The following SPAG16 variants were observed in gnomAD, a reference collection of about 807,000 sequenced individuals.
The protein encoded by SPAG16 is sperm-associated antigen 16 protein.
In SPAG16, 86 loss-of-function variants were observed where a neutral mutation model predicts 80.4. The observed-to-expected ratio is 1.07, with a 90% CI of 0.90 to 1.28. The LOEUF is 1.28. Among genes scored for constraint, SPAG16 ranks in the 50% most tolerant of loss-of-function variants. SPAG16 has a pLI of 0.00. For synonymous variants in SPAG16, 294 were observed against 265.9 expected (o/e 1.11, Z -1.03); for missense variants, 870 against 765.3 (o/e 1.14, Z -1.61).
intron 15 of SPAG16, 25 bp from the exon 16 acceptor site, chr2:214,410,115 T>C (rs763982268): frequency 6.2e-7 from 1 of 1,611,980 alleles, no homozygotes; most frequent in Non-Finnish European, 8.5e-7. Flanking sequence ...TCATTCTCTC[T>C]CTCTCTCCTC....
intron 15 of SPAG16, among the ~76,000 whole-genome samples, chr2:214,244,251 C>T (rs1490672592): frequency 6.6e-6 from 1 of 151,660 alleles, no homozygotes; most frequent in Admixed American, 6.6e-5. Flanking sequence ...GAAAACATGA[C>T]CTATTATTTA....
intron 15 of SPAG16, among the ~76,000 whole-genome samples, chr2:214,291,654 G>T (rs1693814879): frequency 1.3e-5 from 2 of 152,162 alleles, no homozygotes; most frequent in African/African-American, 4.8e-5. Flanking sequence ...TTTAAGTGGA[G>T]AATTTAATCC....
intron 13 of SPAG16, among the ~76,000 whole-genome samples, chr2:214,033,931 A>G (rs1376567579): frequency 6.6e-6 from 1 of 152,214 alleles, no homozygotes; most frequent in African/African-American, 2.4e-5. Context: ...ACCTGCCCCA[A>G]TAGTGCCTTT....
intron 10 of SPAG16, among the ~76,000 whole-genome samples, chr2:213,713,552 G>C (rs1012911157): frequency 3.1e-4 from 47 of 152,150 alleles, no homozygotes; most frequent in Admixed American, 2.9e-3. Flanking sequence ...ACAGATTTTG[G>C]ACATCAGCCA....
intron 10 of SPAG16, among the ~76,000 whole-genome samples, chr2:213,856,795 A>G (rs1445494141): frequency 6.6e-6 from 1 of 152,056 alleles, no homozygotes; most frequent in Non-Finnish European, 1.5e-5. Flanking sequence ...GGCTCATGAA[A>G]CCATTTTTTC....
At position 213,675,008 on chromosome 2, in the gene SPAG16, A is replaced by C. The variant is rs1250039159; in HGVS notation, c.1070+184918A>C. On this transcript the variant is annotated intron_variant, in intron 10 of 15. Coordinates refer to ENST00000331683, the MANE Select transcript of SPAG16 (RefSeq NM_024532.5). ...TAGTTTACAGTCCCACCAACAGTGT[A>C]AAAGTGTTCCTATTTCTCCACATCC... Among the ~76,000 whole-genome samples, 112 of 149,646 alleles carry C rather than the reference A, an allele frequency of 7.5e-4. 1 individual carries two copies. The highest frequency in any genetic ancestry group is 3.4e-3 in the Middle Eastern group (1 of 292).
At chr2:213,402,004 TA>T (rs2068334950) in intron 9 of SPAG16, among the ~76,000 whole-genome samples, 1 of 152,108 alleles carries the variant, frequency 6.6e-6, no homozygotes, top group African/African-American at 2.4e-5. Context: ...TCTGGTCATA[TA>T]TTTTTTAATA....
At chr2:213,453,635 C>G (rs1012571294) in intron 9 of SPAG16, among the ~76,000 whole-genome samples, 1 of 152,194 alleles carries the variant, frequency 6.6e-6, no homozygotes, top group African/African-American at 2.4e-5. Flanking sequence ...CCAGTGGGAG[C>G]TGGCTGTGAA....
intron 13 of SPAG16, among the ~76,000 whole-genome samples, chr2:214,056,280 T>TACACACACACAC (rs60247479): frequency 5.5e-5 from 8 of 144,562 alleles, no homozygotes; most frequent in African/African-American, 2.0e-4. Flanking sequence ...GTAGTAGAAA[T>TACACACACACAC]ACACACACAC....
chr2:214,335,516 T>C (rs961432124), intron 15 of SPAG16, among the ~76,000 whole-genome samples: 1 of 151,756 alleles, frequency 6.6e-6, no homozygotes, highest in African/African-American at 2.4e-5. Flanking sequence ...TTTCCACATT[T>C]AAGTAAAAAC....
At chr2:214,155,662 G>A (rs2056181955) in intron 15 of SPAG16, among the ~76,000 whole-genome samples, 1 of 152,054 alleles carries the variant, frequency 6.6e-6, no homozygotes, top group African/African-American at 2.4e-5. Context: ...TTACTATCTT[G>A]CTCTTTACAT....
intron 10 of SPAG16, among the ~76,000 whole-genome samples, chr2:213,800,753 C>A (rs2071346154): frequency 6.6e-6 from 1 of 152,112 alleles, no homozygotes; most frequent in Non-Finnish European, 1.5e-5. Flanking sequence ...AAATCTCATA[C>A]CAAATTTGTA....
At chr2:213,761,841 G>T (rs2068674944) in intron 10 of SPAG16, among the ~76,000 whole-genome samples, 1 of 151,918 alleles carries the variant, frequency 6.6e-6, no homozygotes, top group Non-Finnish European at 1.5e-5. Context: ...ATTCCAGCCT[G>T]GGTGACAGAG....
At chr2:214,346,875 T>C (rs1452974923) in intron 15 of SPAG16, among the ~76,000 whole-genome samples, 2 of 152,140 alleles carry the variant, frequency 1.3e-5, no homozygotes. Flanking sequence ...TCGACATCAT[T>C]AAAAATGGAA....
At chr2:213,642,032 C>T (rs1305690847) in intron 10 of SPAG16, among the ~76,000 whole-genome samples, 2 of 152,160 alleles carry the variant, frequency 1.3e-5, no homozygotes, top group African/African-American at 2.4e-5. Flanking sequence ...CTTCTTTTGA[C>T]ACATGGGGAT....
chr2:213,728,107 C>T (rs750444352), intron 10 of SPAG16, among the ~76,000 whole-genome samples: 8 of 152,156 alleles, frequency 5.3e-5, no homozygotes, highest in Non-Finnish European at 1.2e-4. Context: ...CCTCGGCCTC[C>T]CAAAGTGCTT....
At chr2:213,474,406 C>T (rs1259774275) in intron 9 of SPAG16, among the ~76,000 whole-genome samples, 2 of 152,068 alleles carry the variant, frequency 1.3e-5, no homozygotes, top group Non-Finnish European at 2.9e-5. Flanking sequence ...AGATAGAATC[C>T]CTGGGTTCCT....
At chr2:213,809,419 C>T (rs2071982364) in intron 10 of SPAG16, among the ~76,000 whole-genome samples, 1 of 152,074 alleles carries the variant, frequency 6.6e-6, no homozygotes, top group African/African-American at 2.4e-5. Flanking sequence ...CCATGCAACC[C>T]ACAGGAAACA....
At chr2:213,745,662 G>T (rs2067785860) in intron 10 of SPAG16, among the ~76,000 whole-genome samples, 1 of 152,068 alleles carries the variant, frequency 6.6e-6, no homozygotes, top group South Asian at 2.1e-4. Flanking sequence ...AAATAGCTTT[G>T]AATTTTGCGT....
Sources: allele counts gnomAD v4.1 joint callset (sites outside exome capture counted in the v4.1 genomes callset), GRCh38; gene constraint gnomAD v4.1.1; transcripts MANE v1.5; gene names NCBI Gene and HGNC (gene_info 2026-07-23, HGNC 2026-07-21).